Variants in CSGALNACT1 observed in about 807,000 individuals in gnomAD.
The protein encoded by CSGALNACT1 is chondroitin sulfate N-acetylgalactosaminyltransferase 1, also known as beta4GalNAcT-1.
In CSGALNACT1, 52 loss-of-function variants were observed where a neutral mutation model predicts 51.0. That is an observed-to-expected ratio of 1.02 (90% CI 0.82 to 1.29). The LOEUF (loss-of-function observed/expected upper bound fraction) is 1.29. CSGALNACT1 is among the 50% of genes most tolerant of loss of function. The pLI is 0.00. For synonymous variants in CSGALNACT1, 341 were observed against 254.4 expected, an observed-to-expected ratio of 1.34 and a Z score of -3.24; for missense variants, 935 against 679.2, an observed-to-expected ratio of 1.38 and a Z score of -4.19.
intron 1 of CSGALNACT1, among the ~76,000 whole-genome samples, chr8:19,712,269 C>G (rs982996061): frequency 1.1e-4 from 17 of 152,050 alleles, no homozygotes; most frequent in African/African-American, 4.1e-4. Flanking sequence ...TCGTGATCCG[C>G]CCACCTCAGC....
In CSGALNACT1 at chr8:19,586,934, A is replaced by C. The variant is rs200273321; in HGVS notation, c.-297+4226T>G. On this transcript the variant is annotated intron_variant, in intron 3 of 9. Transcript: ENST00000454498. Reference sequence around the variant, plus strand: ...GAAATTCTTCTTTGAAAAATATCTCACAACTCTAGTAATCTCCAGGAAACA... The same window carrying C: ...GAAATTCTTCTTTGAAAAATATCTCCCAACTCTAGTAATCTCCAGGAAACA... Among the ~76,000 whole-genome samples the C allele has an allele frequency of 4.6e-5, 7 of 152,312 alleles. No homozygotes were observed. In the East Asian group the frequency reaches 1.2e-3, roughly 25 times the overall value.
chr8:19,547,945 G>A (rs1459001663), intron 3 of CSGALNACT1, among the ~76,000 whole-genome samples: 1 of 152,158 alleles, frequency 6.6e-6, no homozygotes, highest in African/African-American at 2.4e-5. Flanking sequence ...AAAGAGGAGA[G>A]AGCAGCTGCC....
At chr8:19,549,352 TTTTTG>T (rs1430455581) in intron 3 of CSGALNACT1, among the ~76,000 whole-genome samples, 4 of 152,208 alleles carry the variant, frequency 2.6e-5, no homozygotes, top group Non-Finnish European at 5.9e-5. Context: ...CTTAGACAAC[TTTTTG>T]TTTTTTCTTG....
At chr8:19,585,012 C>T (rs999300505) in intron 3 of CSGALNACT1, among the ~76,000 whole-genome samples, 5 of 152,158 alleles carry the variant, frequency 3.3e-5, no homozygotes, top group African/African-American at 1.2e-4. Context: ...TAACCCTGGA[C>T]AAGTTATCTT....
chr8:19,462,685 T>A (rs12680768), intron 4 of CSGALNACT1, among the ~76,000 whole-genome samples: 3 of 151,980 alleles, frequency 2.0e-5, no homozygotes, highest in African/African-American at 4.8e-5. Flanking sequence ...TGCTGCTTTC[T>A]GTCTTCCACA....
intron 1 of CSGALNACT1, among the ~76,000 whole-genome samples, chr8:19,620,443 T>C (rs1046199266): frequency 1.3e-5 from 2 of 151,646 alleles, no homozygotes; most frequent in African/African-American, 2.4e-5. Context: ...TTTTTTTTTT[T>C]CTTGAGAAAG....
At chr8:19,509,745 T>A (rs1408432684) in intron 3 of CSGALNACT1, among the ~76,000 whole-genome samples, 1 of 151,472 alleles carries the variant, frequency 6.6e-6, no homozygotes, top group Non-Finnish European at 1.5e-5. Flanking sequence ...CTGTGCAATC[T>A]CCTTCTCTGA....
intron 3 of CSGALNACT1, among the ~76,000 whole-genome samples, chr8:19,550,255 G>A (rs2087644875): frequency 1.3e-5 from 2 of 152,152 alleles, no homozygotes; most frequent in South Asian, 4.1e-4. Flanking sequence ...CAAACAGCCA[G>A]GACAACAGAT....
At chr8:19,752,592 A>G (rs1420796424) in intron 1 of CSGALNACT1, among the ~76,000 whole-genome samples, 1 of 152,222 alleles carries the variant, frequency 6.6e-6, no homozygotes, top group East Asian at 1.9e-4. Flanking sequence ...AATCACCAGT[A>G]ACCAGTTCCT....
intron 1 of CSGALNACT1, among the ~76,000 whole-genome samples, chr8:19,639,881 GT>G (rs978822655): frequency 6.6e-6 from 1 of 151,786 alleles, no homozygotes; most frequent in Non-Finnish European, 1.5e-5. Context: ...GTTTTGTTTT[GT>G]TTTTGTTTGT....
intron 3 of CSGALNACT1, among the ~76,000 whole-genome samples, chr8:19,559,176 T>C (rs1253144890): frequency 6.6e-6 from 1 of 152,174 alleles, no homozygotes; most frequent in Non-Finnish European, 1.5e-5. Flanking sequence ...TGAACATGGA[T>C]ACAAAGCCCC....
At chr8:19,471,448 G>T (rs3185) in intron 4 of CSGALNACT1, among the ~76,000 whole-genome samples, 82,538 of 151,860 alleles carry the variant, frequency 0.54, 23,518 homozygotes, top group East Asian at 0.86. Flanking sequence ...TCAAGTGAAT[G>T]TTCCTTTCGT....
chr8:19,471,867 G>A (rs930716013), intron 4 of CSGALNACT1, among the ~76,000 whole-genome samples: 4 of 152,188 alleles, frequency 2.6e-5, no homozygotes, highest in Admixed American at 6.5e-5. Context: ...AAGCTGTCCT[G>A]GAAACTGGGC....
intron 1 of CSGALNACT1, among the ~76,000 whole-genome samples, chr8:19,707,859 G>A (rs1191014758): frequency 6.6e-6 from 1 of 152,074 alleles, no homozygotes; most frequent in Non-Finnish European, 1.5e-5. Context: ...AAAGTAGCCG[G>A]GCGTGATGGC....
chr8:19,555,949 C>T (rs180984354), intron 3 of CSGALNACT1, among the ~76,000 whole-genome samples: 3 of 152,130 alleles, frequency 2.0e-5, no homozygotes, highest in Admixed American at 6.5e-5. Flanking sequence ...TTTGGCTTCT[C>T]GAGTCCCATT....
chr8:19,645,776 G>A (rs1283734984), intron 1 of CSGALNACT1, among the ~76,000 whole-genome samples: 1 of 152,146 alleles, frequency 6.6e-6, no homozygotes, highest in African/African-American at 2.4e-5. Flanking sequence ...TGAATGATAT[G>A]GCAGCAGCCT....
rs10096638 is a variant in CSGALNACT1, at chr8:19,521,007, C to G, written c.-296-14877G>C. 6.3e-3 allele frequency among the ~76,000 whole-genome samples: 955 copies of G among 152,288 alleles called. 9 individuals are homozygous for G. The highest frequency in any genetic ancestry group is 0.02 in the African/African-American group (849 of 41,546). On this transcript the variant is annotated intron_variant, in intron 3 of 9. Transcript: ENST00000454498. The stretch of plus-strand genomic sequence containing the variant: ...TGAGGAAAAGCACTGATAGGTTAAT[C>G]TGGAAATGCAGAATGCCCTTTCAAC...
At chr8:19,618,784 C>G (rs1328843921) in intron 1 of CSGALNACT1, among the ~76,000 whole-genome samples, 2 of 152,114 alleles carry the variant, frequency 1.3e-5, no homozygotes, top group African/African-American at 4.8e-5. Flanking sequence ...CCGGGGCTAG[C>G]ACTTTCTCCA....
intron 1 of CSGALNACT1, among the ~76,000 whole-genome samples, chr8:19,612,737 C>T (rs562105513): frequency 1.3e-4 from 19 of 151,878 alleles, no homozygotes; most frequent in African/African-American, 4.3e-4. Context: ...TGCGAGATTC[C>T]GTGTATTTCT....
Sources: gnomAD v4.1 joint callset for allele counts (sites outside exome capture counted in the v4.1 genomes callset) on GRCh38, gnomAD v4.1.1 for gene constraint, MANE v1.5 for transcripts, NCBI Gene and HGNC (gene_info 2026-07-23, HGNC 2026-07-21) for gene names.